The following CEMIP variants were observed in gnomAD, a reference collection of about 807,000 sequenced individuals.
The protein encoded by CEMIP is cell migration inducing hyaluronidase 1.
Under a neutral mutation model 156.9 loss-of-function variants are expected in CEMIP, and 105 were observed. The observed-to-expected ratio is 0.67, with a 90% CI of 0.57 to 0.79. The LOEUF is 0.79. Among genes scored for constraint, CEMIP ranks in the 30% least tolerant of loss-of-function variants. The probability of loss-of-function intolerance (pLI) is 0.00; values close to 1 mark genes in which losing one functional copy is unlikely to be tolerated. For missense variants in CEMIP, 1,457 were observed against 1,769.4 expected (o/e 0.82, Z 3.17); for synonymous variants, 676 against 668.4 (o/e 1.01, Z -0.17).
Position 80,951,725 on chromosome 15 carries a change from T to G in CEMIP, c.*2801T>G, listed in dbSNP as rs1373247156. On this transcript the variant is annotated 3_prime_UTR_variant, in exon 30 of 30. Coordinates refer to ENST00000394685, the MANE Select transcript of CEMIP (RefSeq NM_001293298.2). ...CTAGAGCCAAGGAAATTGGCTCTGGTTTGGAAAAATTTTGCTGTTATTATA... is the reference window on the plus strand; with the variant it reads ...CTAGAGCCAAGGAAATTGGCTCTGGGTTGGAAAAATTTTGCTGTTATTATA... 3 of 153,098 alleles carry G rather than the reference T, an allele frequency of 2.0e-5. No homozygotes were observed. In the East Asian group the frequency reaches 5.7e-4, roughly 29 times the overall value. The allele number at this position is 153,098 out of a possible 1,614,324, so 9.5% of individuals were successfully genotyped here.
chr15:80,922,302 T>C (rs1900506520), intron 17 of CEMIP, among the ~76,000 whole-genome samples, 165 bp downstream of exon 17: 1 of 152,246 alleles, frequency 6.6e-6, no homozygotes, highest in African/African-American at 2.4e-5. Flanking sequence ...TCCCAGGCCA[T>C]TGGCCACATT....
intron 1 of CEMIP, among the ~76,000 whole-genome samples, chr15:80,812,181 T>C (rs1003549273): frequency 1.4e-4 from 21 of 152,172 alleles, no homozygotes; most frequent in African/African-American, 4.6e-4. Context: ...GCTGGCTTGA[T>C]GTCCTGTTTT....
Position 80,932,173 on chromosome 15 carries a change from C to CG in CEMIP, c.2793+134_2793+135insG. The CG allele has an allele frequency of 9.7e-7, 1 of 1,029,250 alleles. No homozygotes were observed. Among genetic ancestry groups the CG allele is most frequent in the Non-Finnish European group, 1.5e-6 (1 of 678,104 alleles). The allele number at this position is 1,029,250 out of a possible 1,614,324, so 63.8% of individuals were successfully genotyped here. A position where few individuals can be genotyped will look rare whatever the true frequency, so the allele number is the denominator to read the frequency against. ...GAAGCCTCCTCCAACTAGGCTGGGC[C>CG]ATGTCCCAGTTTGCTCTTCATCCAA... On this transcript the variant is annotated intron_variant, in intron 22 of 29. Transcript: ENST00000394685. The surrounding 1 kb of genome is among the most constrained non-coding windows in gnomAD (Gnocchi z 4.5).
At chr15:80,870,118 G>A (rs946493662) in intron 1 of CEMIP, among the ~76,000 whole-genome samples, 4 of 152,208 alleles carry the variant, frequency 2.6e-5, no homozygotes, top group Non-Finnish European at 4.4e-5. Context: ...CTCCATGTGA[G>A]CTGCATGGCT....
intron 1 of CEMIP, among the ~76,000 whole-genome samples, chr15:80,866,724 T>A (rs1898138819): frequency 6.6e-6 from 1 of 150,996 alleles, no homozygotes; most frequent in African/African-American, 2.4e-5. Context: ...AGGCAGAGAT[T>A]GCAGTGAGCT....
intron 1 of CEMIP, among the ~76,000 whole-genome samples, chr15:80,871,955 A>T (rs1478922526): frequency 6.6e-6 from 1 of 152,178 alleles, no homozygotes; most frequent in African/African-American, 2.4e-5. Flanking sequence ...GGCTTGGGTC[A>T]GGCAGGGCGG....
At chr15:80,925,502 C>T in intron 18 of CEMIP, 122 bp from the exon 19 acceptor site, 1 of 1,352,262 alleles carries the variant, frequency 7.4e-7, no homozygotes, top group Non-Finnish European at 1.0e-6. Context: ...GAATGGGTTT[C>T]TGTTCAGTCA....
At chr15:80,900,843 T>C in intron 12 of CEMIP, 2 of 435,724 alleles carry the variant, frequency 4.6e-6, no homozygotes, top group South Asian at 1.6e-5. Flanking sequence ...GGGACACAGC[T>C]ATCTCTTAGG....
intron 1 of CEMIP, among the ~76,000 whole-genome samples, chr15:80,805,336 G>A (rs570885129): frequency 6.6e-6 from 1 of 152,270 alleles, no homozygotes; most frequent in Non-Finnish European, 1.5e-5. Context: ...CTGCCCGCCC[G>A]GGACAATATT....
chr15:80,782,120 T>TA (rs1407898680), intron 1 of CEMIP, among the ~76,000 whole-genome samples: 1 of 152,244 alleles, frequency 6.6e-6, no homozygotes, highest in East Asian at 1.9e-4. Context: ...GGAGGAAAGA[T>TA]AAAAGTAAGT....
chr15:80,880,298 T>A (rs1898605134), intron 5 of CEMIP, among the ~76,000 whole-genome samples: 1 of 152,156 alleles, frequency 6.6e-6, no homozygotes. Flanking sequence ...CCACATCTGA[T>A]ATGGACAAAA....
At chr15:80,792,841 G>A (rs1440943407) in intron 1 of CEMIP, among the ~76,000 whole-genome samples, 4 of 152,132 alleles carry the variant, frequency 2.6e-5, no homozygotes, top group African/African-American at 9.7e-5. Context: ...CACTCCATGA[G>A]ATCAGGAACT....
intron 14 of CEMIP, chr15:80,909,897 C>A (rs1296824421): frequency 9.8e-6 from 3 of 305,018 alleles, no homozygotes; most frequent in Middle Eastern, 1.1e-3. Context: ...CTGGACATCA[C>A]AAAATGGTAC....
rs1183810436 is a variant in CEMIP, at chr15:80,948,630, G to C, written c.3959-167G>C. On this transcript the variant is annotated intron_variant, in intron 29 of 29. Coordinates refer to ENST00000394685, the MANE Select transcript of CEMIP (RefSeq NM_001293298.2). ...CCTGCCCCATACAAACACATGTCAG[G>C]CACCATCAGTAGCTGAGCACAGAGC... 4 of 889,082 alleles carry C rather than the reference G, an allele frequency of 4.5e-6. No homozygotes were observed. In the East Asian group the frequency reaches 7.4e-5, roughly 16 times the overall value. The allele number at this position is 889,082 out of a possible 1,614,324, so 55.1% of individuals were successfully genotyped here.
chr15:80,916,306 G>A (rs1173965999), intron 14 of CEMIP, among the ~76,000 whole-genome samples: 1 of 152,166 alleles, frequency 6.6e-6, no homozygotes, highest in Non-Finnish European at 1.5e-5. Context: ...TCTTTGTCAG[G>A]CAGAGCCCAG....
chr15:80,804,133 C>T (rs184069196), intron 1 of CEMIP, among the ~76,000 whole-genome samples: 1 of 152,328 alleles, frequency 6.6e-6, no homozygotes, highest in East Asian at 1.9e-4. Context: ...GACCTGCCCC[C>T]ATGATTCAGT....
Position 80,879,736 on chromosome 15 carries a change from CACG to C in CEMIP, c.267_269del (p.Asp89del), listed in dbSNP as rs1898581355. On this transcript the variant is annotated inframe_deletion, in exon 5 of 30. Coordinates refer to ENST00000394685, the MANE Select transcript of CEMIP (RefSeq NM_001293298.2). ...TTCAGGCAAGCTGGTCATTAAAGAC[CACG>C]ACGAGCCGATTGTTTTGCGAACCCG... is the stretch of plus-strand genomic sequence containing the variant. 1 of 1,614,040 alleles carries C rather than the reference CACG, an allele frequency of 6.2e-7. No homozygotes were observed. Among genetic ancestry groups the C allele is most frequent in the African/African-American group, 1.3e-5 (1 of 74,924 alleles).
intron 1 of CEMIP, among the ~76,000 whole-genome samples, chr15:80,786,015 C>T (rs1192302867): frequency 6.6e-6 from 1 of 151,890 alleles, no homozygotes; most frequent in Non-Finnish European, 1.5e-5. Context: ...GCTTTTTTTG[C>T]GATAAAATCT....
At position 80,924,695 on chromosome 15, in the gene CEMIP, C is replaced by G. The variant is rs766598484; in HGVS notation, c.2277C>G (p.Ile759Met). The G allele has an allele frequency of 6.2e-7, 1 of 1,614,172 alleles. No individual in the cohort carries two copies. The highest frequency in any genetic ancestry group is 8.5e-7 in the Non-Finnish European group (1 of 1,180,008). The change falls in exon 18 of 30, where the codon ATC becomes ATG. Residue 759 changes from isoleucine (I) to methionine (M), a missense_variant. Physicochemically the swap from Ile to Met is conservative, Grantham distance 10 (BLOSUM62 1). Coordinates refer to ENST00000394685, the MANE Select transcript of CEMIP (RefSeq NM_001293298.2). ...SAKDKRPFLS[I>M]ISARYSPHQD... is the part of the protein sequence containing the mutation. Reference sequence around the variant, plus strand: ...AGGACAAGCGGCCGTTCCTCTCAATCATCTCTGCCAGGTAATCAGCCATTG... The same window carrying G: ...AGGACAAGCGGCCGTTCCTCTCAATGATCTCTGCCAGGTAATCAGCCATTG...
Sources: allele counts gnomAD v4.1 joint callset (sites outside exome capture counted in the v4.1 genomes callset), GRCh38; gene constraint gnomAD v4.1.1; non-coding constraint Gnocchi (gnomAD v3.1); transcripts MANE v1.5; gene names NCBI Gene and HGNC (gene_info 2026-07-23, HGNC 2026-07-21).